Variants in GDPD4 observed in about 807,000 individuals in gnomAD.
GDPD4 encodes the protein glycerophosphodiester phosphodiesterase 6.
Under a neutral mutation model 67.8 loss-of-function variants are expected in GDPD4, and 60 were observed. The observed-to-expected ratio is 0.88, with a 90% CI of 0.72 to 1.10. GDPD4 has a LOEUF of 1.10. Among genes scored for constraint, GDPD4 ranks in the 50% least tolerant of loss-of-function variants. The pLI, the probability that GDPD4 is intolerant of heterozygous loss-of-function variation, is 0.00. For synonymous variants in GDPD4, 212 were observed against 210.9 expected (o/e 1.00, Z -0.04); for missense variants, 623 against 613.9 (o/e 1.01, Z -0.16).
rs189143977 is a variant in GDPD4, at chr11:77,260,920, G to A, written c.708-2378C>T. ...AGGCATCAGTGACCTGTAAGGCAAT[G>A]ATCAAGCAGTATTATATATATGTAA... On this transcript the variant is annotated intron_variant, in intron 10 of 16. Transcript: ENST00000315938. Among the ~76,000 whole-genome samples the A allele has an allele frequency of 7.2e-5, 11 of 152,224 alleles. No homozygotes were observed. In the East Asian group the frequency reaches 2.1e-3, roughly 29 times the overall value.
intron 1 of GDPD4, among the ~76,000 whole-genome samples, chr11:77,290,330 C>T (rs1937730627): frequency 1.3e-5 from 2 of 152,172 alleles, no homozygotes. Flanking sequence ...CCCATCGGCA[C>T]ATAAAACATT....
At chr11:77,220,478 A>G (rs1958205908) in intron 16 of GDPD4, among the ~76,000 whole-genome samples, 1 of 152,128 alleles carries the variant, frequency 6.6e-6, no homozygotes, top group Non-Finnish European at 1.5e-5. Flanking sequence ...GGTTTTTGTC[A>G]TTGATTCTGT....
rs1425515918 is a variant in GDPD4 at position 77,245,429 on chromosome 11, G to A, written c.938C>T (p.Thr313Ile). 6.2e-7 allele frequency: 1 copy of A among 1,614,012 alleles called. No homozygotes were observed. The highest frequency in any genetic ancestry group is 1.1e-5 in the South Asian group (1 of 91,082). Reference sequence around the variant, plus strand: ...TGCAAGTGTCAATAAATCAGCTAGTGTTGGAATTGACTGATTTCTTGCTCT... The same window carrying A: ...TGCAAGTGTCAATAAATCAGCTAGTATTGGAATTGACTGATTTCTTGCTCT... ...KERARNQSIP[T>I]LADLLTLAEK... Residue 313 changes from threonine to isoleucine, a missense_variant, in exon 12 of 17, where the codon ACA becomes ATA. Coordinates refer to ENST00000315938, the MANE Select transcript of GDPD4 (RefSeq NM_182833.3).
At chr11:77,245,251 C>T in intron 12 of GDPD4, 30 bp downstream of exon 12, 1 of 1,567,330 alleles carries the variant, frequency 6.4e-7, no homozygotes, top group Non-Finnish European at 8.8e-7. Flanking sequence ...CACCTCCCAA[C>T]CTATGTCATA....
intron 11 of GDPD4, among the ~76,000 whole-genome samples, chr11:77,255,635 CA>C (rs1489453970): frequency 2.0e-5 from 3 of 151,770 alleles, no homozygotes; most frequent in African/African-American, 7.3e-5. Flanking sequence ...CCAAGGTGGG[CA>C]GATCACAAGG....
At position 77,258,388 on chromosome 11, in the gene GDPD4, C is replaced by G. The variant is rs1959044124; in HGVS notation, c.862G>C (p.Glu288Gln). ...TGGAACTTGGGAATGTGTCTTACCTCTGGTTTTACAAACCATTTGCCTGCA... is the reference window on the plus strand; with the variant it reads ...TGGAACTTGGGAATGTGTCTTACCTGTGGTTTTACAAACCATTTGCCTGCA... Reference protein sequence around the residue: ...LNAGKWFVKPELRPFYNMKPL... With the variant: ...LNAGKWFVKPQLRPFYNMKPL... The change falls in exon 11 of 17, where the codon GAG becomes CAG. Residue 288 changes from glutamate (E) to glutamine (Q), a missense_variant and splice_region_variant. Glu to Gln is a conservative substitution (Grantham distance 29, BLOSUM62 2). Coordinates refer to ENST00000315938, the MANE Select transcript of GDPD4 (RefSeq NM_182833.3). 1.9e-6 allele frequency: 3 copies of G among 1,613,910 alleles called. No homozygotes were observed. The highest frequency in any genetic ancestry group is 1.7e-6 in the Non-Finnish European group (2 of 1,179,802).
At chr11:77,299,772 T>A (rs1470775252) in intron 1 of GDPD4, among the ~76,000 whole-genome samples, 2 of 152,160 alleles carry the variant, frequency 1.3e-5, no homozygotes, top group Non-Finnish European at 2.9e-5. Flanking sequence ...AAGTCAACAA[T>A]CAGCGCAGGT....
intron 1 of GDPD4, among the ~76,000 whole-genome samples, chr11:77,294,545 C>T (rs768600183): frequency 6.6e-6 from 1 of 152,024 alleles, no homozygotes; most frequent in Non-Finnish European, 1.5e-5. Flanking sequence ...TTAGAAGACT[C>T]AATATTGTTA....
chr11:77,229,833 C>A (rs973424209), intron 14 of GDPD4, among the ~76,000 whole-genome samples: 5 of 152,158 alleles, frequency 3.3e-5, no homozygotes, highest in Admixed American at 6.5e-5. Context: ...CTTCTATGCT[C>A]CTTGCCCAAA....
intron 13 of GDPD4, among the ~76,000 whole-genome samples, chr11:77,243,111 T>C (rs1464787128): frequency 2.6e-5 from 4 of 152,196 alleles, no homozygotes; most frequent in Non-Finnish European, 5.9e-5. Context: ...TGTTTAATAA[T>C]AGTTAAGTTT....
At chr11:77,290,688 C>T (rs2156862) in intron 1 of GDPD4, among the ~76,000 whole-genome samples, 11,382 of 152,084 alleles carry the variant, frequency 0.075, 698 homozygotes, top group East Asian at 0.23. Context: ...TAATTATGCA[C>T]CTCAAGGAAC....
rs1325264174 is a variant in GDPD4 at position 77,252,060 on chromosome 11, T to TGTTG, written c.864+6325_864+6326insCAAC. On this transcript the variant is annotated intron_variant, in intron 11 of 16. Coordinates refer to ENST00000315938, the MANE Select transcript of GDPD4 (RefSeq NM_182833.3). ...TGGGTTTTTTTGTTTGTTTGTTTTT[T>TGTTG]TTTTGTTTTTTTTTTTTTTTTGAGA... 5.6e-3 allele frequency among the ~76,000 whole-genome samples: 299 copies of TGTTG among 53,814 alleles called. 1 individual carries two copies. Among genetic ancestry groups the TGTTG allele is most frequent in the African/African-American group, 0.012 (274 of 22,264 alleles). 35.3% of individuals were successfully genotyped at this position (53,814 alleles called of 152,430 possible). A position where few individuals can be genotyped will look rare whatever the true frequency, so the allele number is the denominator to read the frequency against.
intron 11 of GDPD4, among the ~76,000 whole-genome samples, chr11:77,252,059 T>G (rs1326161235): frequency 1.7e-4 from 16 of 91,436 alleles, no homozygotes; most frequent in African/African-American, 3.4e-4. Flanking sequence ...TGTTTGTTTT[T>G]TTTTTGTTTT....
At chr11:77,230,102 C>T (rs1412812601) in intron 14 of GDPD4, among the ~76,000 whole-genome samples, 1 of 152,160 alleles carries the variant, frequency 6.6e-6, no homozygotes, top group Non-Finnish European at 1.5e-5. Context: ...GGGGTATTTA[C>T]AGATTTAAGC....
chr11:77,251,482 G>C (rs1958897379), intron 11 of GDPD4, among the ~76,000 whole-genome samples: 1 of 152,120 alleles, frequency 6.6e-6, no homozygotes, highest in Admixed American at 6.5e-5. Context: ...GATTTACTGA[G>C]TCAAATATTC....
intron 1 of GDPD4, among the ~76,000 whole-genome samples, chr11:77,288,985 T>C (rs1379576057): frequency 6.6e-6 from 1 of 151,794 alleles, no homozygotes; most frequent in African/African-American, 2.4e-5. Context: ...GACAAGTCAT[T>C]TGAAATAACC....
intron 10 of GDPD4, 57 bp downstream of exon 10, chr11:77,268,400 T>C: frequency 2.5e-6 from 3 of 1,217,432 alleles, no homozygotes; most frequent in South Asian, 2.5e-5. Context: ...GCTGGTTCTC[T>C]TGCATGGCAT....
chr11:77,291,405 A>C (rs115360266), intron 1 of GDPD4, among the ~76,000 whole-genome samples: 26 of 152,208 alleles, frequency 1.7e-4, no homozygotes, highest in African/African-American at 6.3e-4. Context: ...AGGTAGGTTA[A>C]TAAGTACAAA....
chr11:77,232,938 G>T, intron 14 of GDPD4, 87 bp downstream of exon 14: 1 of 1,213,750 alleles, frequency 8.2e-7, no homozygotes, highest in Non-Finnish European at 1.2e-6. Context: ...GGCTGCCCAG[G>T]GGATGGCACA....
Sources: allele counts gnomAD v4.1 joint callset (sites outside exome capture counted in the v4.1 genomes callset), GRCh38; gene constraint gnomAD v4.1.1; transcripts MANE v1.5; gene names NCBI Gene and HGNC (gene_info 2026-07-23, HGNC 2026-07-21).